Variants in GSN observed in about 807,000 individuals in gnomAD.
GSN encodes actin-depolymerizing factor.
A neutral mutation model predicts 85.7 loss-of-function variants in GSN; 56 were observed. That is an observed-to-expected ratio of 0.65 (90% CI 0.53 to 0.82). GSN has a LOEUF of 0.82. GSN is among the 40% of genes least tolerant of loss of function. The probability of loss-of-function intolerance (pLI) is 0.00; values close to 1 mark genes in which losing one functional copy is unlikely to be tolerated. For missense variants in GSN, 857 were observed against 979.8 expected, an observed-to-expected ratio of 0.87 and a Z score of 1.67; for synonymous variants, 373 against 399.1, an observed-to-expected ratio of 0.93 and a Z score of 0.78.
upstream of GSN, among the ~76,000 whole-genome samples, chr9:121,266,767 A>G (rs1564367548): frequency 1.3e-5 from 2 of 152,184 alleles, no homozygotes; most frequent in Non-Finnish European, 1.5e-5. Flanking sequence ...GGTGAGAATT[A>G]AAGTCGGTAA....
At chr9:121,323,870 C>G (rs2062813612) in intron 11 of GSN, among the ~76,000 whole-genome samples, 1 of 152,092 alleles carries the variant, frequency 6.6e-6, no homozygotes, top group Non-Finnish European at 1.5e-5. Flanking sequence ...TTAAAAACAG[C>G]TTAATTTTTT....
chr9:121,230,175 A>G (rs1188559642), intron 4 of GSN, among the ~76,000 whole-genome samples: 1 of 152,154 alleles, frequency 6.6e-6, no homozygotes, highest in East Asian at 1.9e-4. Flanking sequence ...AATAGCTTTG[A>G]ACCTTCTTTG....
Position 121,301,986 on chromosome 9 carries a change from C to G in GSN, c.15C>G (p.His5Gln), listed in dbSNP as rs778466648. The change falls in exon 3 of 18, where the codon CAC (histidine) becomes CAG (glutamine). Residue 5 changes from histidine to glutamine, a missense_variant. By Grantham distance (24) the His-to-Gln change is conservative. Transcript: ENST00000432226. MVVEHPEFLKAGKEP... is the reference protein window; with the variant it reads MVVEQPEFLKAGKEP... ...AGCCCAACAGCATGGTGGTGGAACA[C>G]CCCGAGTTCCTCAAGGCAGGGAAGG... is the stretch of plus-strand genomic sequence containing the variant. The G allele has an allele frequency of 1.2e-6, 2 of 1,614,202 alleles. No homozygotes were observed. Among genetic ancestry groups the G allele is most frequent in the Non-Finnish European group, 1.7e-6 (2 of 1,180,012 alleles).
Position 121,329,069 on chromosome 9 carries a change from C to T in GSN, c.1887+54C>T, listed in dbSNP as rs1206776114. 1.2e-6 allele frequency: 2 copies of T among 1,604,268 alleles called. No individual in the cohort carries two copies. Among genetic ancestry groups the T allele is most frequent in the Non-Finnish European group, 1.7e-6 (2 of 1,175,234 alleles). ...CTTTCCCCTCGGGAGGCGAGTTCCA[C>T]AGGACTGGCCGGCAGCAGGGGCAGG... On this transcript the variant is annotated intron_variant, in intron 15 of 17. Coordinates refer to ENST00000432226, the MANE Select transcript of GSN (RefSeq NM_198252.3). The surrounding 1 kb of genome is among the most constrained non-coding windows in gnomAD (Gnocchi z 4.6).
intron 6 of GSN, among the ~76,000 whole-genome samples, chr9:121,257,727 TG>T (rs1222977350): frequency 6.6e-6 from 1 of 151,994 alleles, no homozygotes; most frequent in Non-Finnish European, 1.5e-5. Context: ...AAAAATTAGG[TG>T]GGTGTGTTGG....
intron 5 of GSN, chr9:121,239,170 C>G: frequency 3.1e-6 from 1 of 325,076 alleles, no homozygotes; most frequent in South Asian, 2.7e-5. Flanking sequence ...ACCTGTGAAG[C>G]CTCATCAACC....
intron 1 of GSN, among the ~76,000 whole-genome samples, chr9:121,271,748 C>T (rs2132387488): frequency 6.6e-6 from 1 of 152,318 alleles, no homozygotes; most frequent in Non-Finnish European, 1.5e-5. Flanking sequence ...TGTTTGTAAA[C>T]TCATGCTTTC....
At chr9:121,281,014 G>C (rs2057299523) in intron 1 of GSN, 1 of 155,894 alleles carries the variant, frequency 6.4e-6, no homozygotes. Flanking sequence ...CTGTCAGTAG[G>C]GACAGGTTTC....
chr9:121,297,700 G>A (rs1047315939), intron 2 of GSN: 2 of 152,196 alleles, frequency 1.3e-5, no homozygotes, highest in Non-Finnish European at 2.9e-5. Context: ...ATCAGACGTA[G>A]CTCATTCTTT....
chr9:121,256,093 T>C (rs546002441), intron 6 of GSN, among the ~76,000 whole-genome samples: 9 of 152,250 alleles, frequency 5.9e-5, no homozygotes, highest in Admixed American at 4.6e-4. Context: ...GGGGGTCAAA[T>C]GAGCCTTTTT....
rs1167960408 is a variant in GSN at position 121,328,780 on chromosome 9, G to A, written c.1763-111G>A. Reference sequence around the variant, plus strand: ...TCCTGGGATTTTTAGGATGGAGGGAGGAGAGGGAGAGCAGTTGGTTGCGCT... The same window carrying A: ...TCCTGGGATTTTTAGGATGGAGGGAAGAGAGGGAGAGCAGTTGGTTGCGCT... On this transcript the variant is annotated intron_variant, in intron 14 of 17. Coordinates refer to ENST00000432226, the MANE Select transcript of GSN (RefSeq NM_198252.3). 4 of 1,108,366 alleles carry A rather than the reference G, an allele frequency of 3.6e-6. No homozygotes were observed. The African/African-American group carries it at 4.6e-5, about 13-fold the overall frequency. 68.7% of individuals were successfully genotyped at this position (1,108,366 alleles called of 1,614,324 possible). A position where few individuals can be genotyped will look rare whatever the true frequency, so the allele number is the denominator to read the frequency against.
chr9:121,257,733 T>A (rs1361257801), intron 6 of GSN, among the ~76,000 whole-genome samples: 1 of 152,178 alleles, frequency 6.6e-6, no homozygotes, highest in Non-Finnish European at 1.5e-5. Flanking sequence ...TAGGTGGGTG[T>A]GTTGGTGTGC....
At chr9:121,214,155 A>G (rs1459398162) in intron 4 of GSN, among the ~76,000 whole-genome samples, 1 of 152,120 alleles carries the variant, frequency 6.6e-6, no homozygotes, top group African/African-American at 2.4e-5. Context: ...AGAAAATGCT[A>G]GTTCTTTTTT....
upstream of GSN, among the ~76,000 whole-genome samples, chr9:121,204,810 T>A (rs1588387132): frequency 6.6e-6 from 1 of 152,168 alleles, no homozygotes. Flanking sequence ...ATGAGGCCCA[T>A]GTATATGTCC....
chr9:121,246,256 A>G (rs755713400), intron 5 of GSN, among the ~76,000 whole-genome samples: 1 of 152,142 alleles, frequency 6.6e-6, no homozygotes, highest in African/African-American at 2.4e-5. Context: ...ATTTTCCATA[A>G]TAAAAAAGTT....
chr9:121,329,270 A>G lies in GSN; in HGVS notation c.1920A>G (p.Glu640=). 1 of 1,612,742 alleles carries G rather than the reference A, an allele frequency of 6.2e-7. No homozygotes were observed. Among genetic ancestry groups the G allele is most frequent in the Non-Finnish European group, 8.5e-7 (1 of 1,178,726 alleles). Residue 640 remains glutamate, a synonymous_variant, in exon 16 of 18, where the codon GAA becomes GAG. Transcript: ENST00000432226. The surrounding 1 kb of genome is among the most constrained non-coding windows in gnomAD (Gnocchi z 4.6). ...AGGTTCCTGGTGAGCTCATGCAGGA[A>G]GACCTGGCAACGGATGACGTCATGC... is the stretch of plus-strand genomic sequence containing the variant. ...IEEVPGELMQ[E]DLATDDVMLL...
intron 4 of GSN, among the ~76,000 whole-genome samples, chr9:121,223,176 G>A (rs1356076807): frequency 6.6e-6 from 1 of 152,138 alleles, no homozygotes; most frequent in Non-Finnish European, 1.5e-5. Context: ...GATCTTGTCA[G>A]GAAGCTACTA....
At chr9:121,217,421 T>A (rs1054558772) in intron 4 of GSN, among the ~76,000 whole-genome samples, 1 of 152,136 alleles carries the variant, frequency 6.6e-6, no homozygotes, top group African/African-American at 2.4e-5. Context: ...GCAGATTTGT[T>A]ACAGAAGCAA....
chr9:121,324,896 T>C (rs1001190770), intron 12 of GSN, among the ~76,000 whole-genome samples: 1 of 152,172 alleles, frequency 6.6e-6, no homozygotes, highest in African/African-American at 2.4e-5. Flanking sequence ...TTTGCTGTCT[T>C]GGGTGGTAGT....
Sources: allele counts gnomAD v4.1 joint callset (sites outside exome capture counted in the v4.1 genomes callset), GRCh38; gene constraint gnomAD v4.1.1; non-coding constraint Gnocchi (gnomAD v3.1); transcripts MANE v1.5; gene names NCBI Gene and HGNC (gene_info 2026-07-23, HGNC 2026-07-21).